IQCM: variants seen among roughly 807,000 people sequenced by gnomAD.
IQCM encodes IQ motif containing M, also known as IQ domain-containing protein M.
Under a neutral mutation model 57.6 loss-of-function variants are expected in IQCM, and 45 were observed. That is an observed-to-expected ratio of 0.78 (90% CI 0.62 to 1.00). IQCM has a LOEUF of 1.00. Among genes scored for constraint, IQCM ranks in the 50% least tolerant of loss-of-function variants. The pLI, the probability that IQCM is intolerant of heterozygous loss-of-function variation, is 0.00. For synonymous variants in IQCM, 148 were observed against 158.9 expected (o/e 0.93, Z 0.51); for missense variants, 468 against 511.6 (o/e 0.91, Z 0.82).
chr4:149,491,289 T>G (rs1274113639), intron 12 of IQCM, among the ~76,000 whole-genome samples: 1 of 152,128 alleles, frequency 6.6e-6, no homozygotes, highest in African/African-American at 2.4e-5. Context: ...ATTTCTGTGG[T>G]GAGAACACTT....
intron 12 of IQCM, among the ~76,000 whole-genome samples, chr4:149,503,641 A>G (rs1743493142): frequency 6.6e-6 from 1 of 152,164 alleles, no homozygotes; most frequent in Admixed American, 6.5e-5. Flanking sequence ...ATTTTTTTTG[A>G]AGGTATATGC....
chr4:149,759,051 T>C (rs760974985), intron 2 of IQCM, among the ~76,000 whole-genome samples: 2 of 152,290 alleles, frequency 1.3e-5, no homozygotes, highest in East Asian at 3.9e-4. Flanking sequence ...AACCACGATA[T>C]CCTTCAGTAG....
At chr4:149,596,920 T>C (rs1027575129) in intron 8 of IQCM, among the ~76,000 whole-genome samples, 3 of 152,058 alleles carry the variant, frequency 2.0e-5, no homozygotes, top group South Asian at 2.1e-4. Flanking sequence ...CAAGAAAAAT[T>C]AGCTCAAAAT....
chr4:149,435,647 T>C (rs1048671507), intron 12 of IQCM, among the ~76,000 whole-genome samples: 8 of 151,632 alleles, frequency 5.3e-5, no homozygotes, highest in African/African-American at 1.9e-4. Flanking sequence ...ATTGTTATCA[T>C]AGGAGATGGC....
Position 149,351,770 on chromosome 4 carries a change from C to G in IQCM, c.*181G>C, listed in dbSNP as rs2110854215. 5.2e-6 allele frequency: 2 copies of G among 382,856 alleles called. No individual in the cohort carries two copies. Among genetic ancestry groups the G allele is most frequent in the Non-Finnish European group, 9.2e-6 (2 of 217,160 alleles). 23.7% of individuals were successfully genotyped at this position (382,856 alleles called of 1,614,324 possible). A position where few individuals can be genotyped will look rare whatever the true frequency, so the allele number is the denominator to read the frequency against. On this transcript the variant is annotated 3_prime_UTR_variant, in exon 14 of 14. Coordinates refer to ENST00000636793, the MANE Select transcript of IQCM (RefSeq NM_001363507.2). ...AAGAGATGTTTTTTATGAAGGAGAT[C>G]AAATGAATGGTGTTCATCCAAAAAT... is the stretch of plus-strand genomic sequence containing the variant.
intron 2 of IQCM, among the ~76,000 whole-genome samples, chr4:149,746,767 T>C (rs1281227400): frequency 2.0e-5 from 3 of 152,192 alleles, no homozygotes; most frequent in African/African-American, 7.2e-5. Context: ...TTCCATTGCT[T>C]TTGTGTACTA....
chr4:149,806,682 G>T (rs1414980655), intron 2 of IQCM, among the ~76,000 whole-genome samples: 1 of 151,916 alleles, frequency 6.6e-6, no homozygotes, highest in Non-Finnish European at 1.5e-5. Context: ...TTTAATAAAA[G>T]TCATCAGTAA....
intron 8 of IQCM, among the ~76,000 whole-genome samples, chr4:149,602,162 A>G (rs1306570278): frequency 1.3e-5 from 2 of 152,154 alleles, no homozygotes; most frequent in East Asian, 1.9e-4. Flanking sequence ...TATTTACATC[A>G]TATTATGTAT....
At chr4:149,459,115 T>A (rs1205725365) in intron 12 of IQCM, among the ~76,000 whole-genome samples, 1 of 152,212 alleles carries the variant, frequency 6.6e-6, no homozygotes, top group Non-Finnish European at 1.5e-5. Flanking sequence ...TCCAAATACC[T>A]CAAGAAAACT....
chr4:149,667,562 A>G (rs1018563145), intron 7 of IQCM, among the ~76,000 whole-genome samples: 2 of 151,988 alleles, frequency 1.3e-5, no homozygotes, highest in East Asian at 2.0e-4. Flanking sequence ...AGGGAACAAA[A>G]CTGGACAGAG....
chr4:149,539,991 C>G (rs1747690033), intron 12 of IQCM, among the ~76,000 whole-genome samples: 1 of 152,106 alleles, frequency 6.6e-6, no homozygotes. Flanking sequence ...CAAAATTAAC[C>G]TGTTAAGCAA....
intron 7 of IQCM, among the ~76,000 whole-genome samples, chr4:149,631,065 T>A (rs1056967771): frequency 6.6e-6 from 1 of 152,210 alleles, no homozygotes; most frequent in Non-Finnish European, 1.5e-5. Flanking sequence ...TCCAGAATGT[T>A]GGTACATGCT....
At chr4:149,503,090 A>C (rs1326303500) in intron 12 of IQCM, among the ~76,000 whole-genome samples, 1 of 152,032 alleles carries the variant, frequency 6.6e-6, no homozygotes, top group Non-Finnish European at 1.5e-5. Context: ...GTGTGATGGC[A>C]TGTGGCTATA....
rs569050623 is a variant in IQCM at position 149,444,407 on chromosome 4, T to C, written c.1229-10850A>G. Among the ~76,000 whole-genome samples, 331 of 152,070 alleles carry C rather than the reference T, an allele frequency of 2.2e-3. 1 individual carries two copies. Among genetic ancestry groups the C allele is most frequent in the Non-Finnish European group, 3.6e-3 (242 of 67,918 alleles). The stretch of plus-strand genomic sequence containing the variant: ...TATATTTCTAACATTGGAGATATAG[T>C]AAACAGTAAATCCCTCTGTTTTGTG... On this transcript the variant is annotated intron_variant, in intron 12 of 13. Coordinates refer to ENST00000636793, the MANE Select transcript of IQCM (RefSeq NM_001363507.2).
At chr4:149,658,375 T>TGCCA (rs1454775096) in intron 7 of IQCM, among the ~76,000 whole-genome samples, 1 of 152,158 alleles carries the variant, frequency 6.6e-6, no homozygotes, top group Non-Finnish European at 1.5e-5. Context: ...TTGGTTTTTA[T>TGCCA]GCCAGTACAA....
intron 5 of IQCM, among the ~76,000 whole-genome samples, chr4:149,721,689 T>C (rs1033200035): frequency 1.3e-5 from 2 of 152,150 alleles, no homozygotes; most frequent in Non-Finnish European, 2.9e-5. Context: ...TATCCACTCA[T>C]CAGTTGATGG....
chr4:149,755,971 G>C (rs114999847), intron 2 of IQCM, among the ~76,000 whole-genome samples: 1 of 152,218 alleles, frequency 6.6e-6, no homozygotes, highest in Non-Finnish European at 1.5e-5. Flanking sequence ...AGATAGCAGA[G>C]TCACATAGCA....
intron 13 of IQCM, among the ~76,000 whole-genome samples, chr4:149,430,971 C>A (rs149901225): frequency 6.6e-6 from 1 of 151,730 alleles, no homozygotes; most frequent in Admixed American, 6.6e-5. Flanking sequence ...AGGCTGAGGA[C>A]GGGCAGATCA....
At chr4:149,715,633 C>A (rs543388546) in intron 5 of IQCM, among the ~76,000 whole-genome samples, 1 of 152,184 alleles carries the variant, frequency 6.6e-6, no homozygotes, top group Non-Finnish European at 1.5e-5. Flanking sequence ...GTCCTGCCAT[C>A]TGGTGGGTCC....
Sources: gnomAD v4.1 joint callset for allele counts (sites outside exome capture counted in the v4.1 genomes callset) on GRCh38, gnomAD v4.1.1 for gene constraint, MANE v1.5 for transcripts, NCBI Gene and HGNC (gene_info 2026-07-23, HGNC 2026-07-21) for gene names.